CD36: variants seen among roughly 807,000 people sequenced by gnomAD.
CD36 encodes the protein platelet glycoprotein 4.
A neutral mutation model predicts 55.2 loss-of-function variants in CD36; 119 were observed. That is an observed-to-expected ratio of 2.15 (90% confidence interval 1.86 to 2.51). The LOEUF (loss-of-function observed/expected upper bound fraction) is 2.51. CD36 is among the 30% of genes most tolerant of loss of function. The pLI is 0.00. For missense variants in CD36, 819 were observed against 555.5 expected (o/e 1.47, Z -4.77); for synonymous variants, 186 against 193.6 (o/e 0.96, Z 0.33).
intron 3 of CD36, among the ~76,000 whole-genome samples, chr7:80,655,407 T>C (rs1314142898): frequency 6.6e-6 from 1 of 152,162 alleles, no homozygotes; most frequent in Admixed American, 6.6e-5. Flanking sequence ...GTTTGATGAC[T>C]CTCCACCCAG....
chr7:80,606,558 G>T (rs1341220318), intron 1 of CD36, among the ~76,000 whole-genome samples: 3 of 152,142 alleles, frequency 2.0e-5, no homozygotes, highest in South Asian at 4.1e-4. Flanking sequence ...TCCCCAGTCT[G>T]CATGCAAAAC....
At chr7:80,617,459 G>T (rs1793229779) in intron 1 of CD36, among the ~76,000 whole-genome samples, 1 of 152,088 alleles carries the variant, frequency 6.6e-6, no homozygotes, top group South Asian at 2.1e-4. Context: ...AGGCACGGTG[G>T]CTCACACCTG....
chr7:80,674,241 T>C, intron 14 of CD36, 94 bp downstream of exon 14: 1 of 877,028 alleles, frequency 1.1e-6, no homozygotes, highest in South Asian at 1.5e-5. Flanking sequence ...TTAGGCCATA[T>C]ATATTTCTAG....
chr7:80,637,133 G>T (rs540541615), upstream of CD36: 46 of 151,816 alleles, frequency 3.0e-4, no homozygotes, highest in African/African-American at 1.1e-3. Context: ...TTTTAAACAG[G>T]TCTTATCTGA....
At chr7:80,644,000 A>G (rs1794981757) in intron 1 of CD36, among the ~76,000 whole-genome samples, 1 of 152,212 alleles carries the variant, frequency 6.6e-6, no homozygotes, top group Non-Finnish European at 1.5e-5. Context: ...TCAGTTCACA[A>G]CATACAGAAC....
intron 1 of CD36, among the ~76,000 whole-genome samples, chr7:80,630,944 A>T (rs1208263753): frequency 6.6e-6 from 1 of 152,038 alleles, no homozygotes; most frequent in Non-Finnish European, 1.5e-5. Flanking sequence ...TTCAGTTTAG[A>T]TTTATTATCT....
At chr7:80,644,047 T>C (rs1794986142) in intron 1 of CD36, among the ~76,000 whole-genome samples, 1 of 152,170 alleles carries the variant, frequency 6.6e-6, no homozygotes, top group Non-Finnish European at 1.5e-5. Flanking sequence ...ATTACTGTGG[T>C]TGCTTAAAAG....
At chr7:80,663,790 G>A (rs116966875) in intron 6 of CD36, among the ~76,000 whole-genome samples, 2,018 of 152,170 alleles carry the variant, frequency 0.013, 25 homozygotes, top group Non-Finnish European at 0.022. Context: ...TACTGAATTG[G>A]AAGTTGGACT....
intron 2 of CD36, 59 bp from the exon 3 acceptor site, chr7:80,646,593 C>T (rs988580496): frequency 2.2e-5 from 20 of 923,052 alleles, no homozygotes; most frequent in Non-Finnish European, 3.4e-5. Flanking sequence ...TTTCTTTGTA[C>T]TTTGATCTTT....
intron 12 of CD36, 149 bp downstream of exon 12, chr7:80,672,992 C>A: frequency 3.0e-6 from 2 of 656,226 alleles, no homozygotes; most frequent in East Asian, 5.5e-5. Flanking sequence ...TTATTAAATG[C>A]TTATGACTAA....
intron 3 of CD36, among the ~76,000 whole-genome samples, chr7:80,655,177 C>A (rs551805855): frequency 6.6e-6 from 1 of 152,286 alleles, no homozygotes; most frequent in East Asian, 1.9e-4. Context: ...TTGTATTCCT[C>A]TTCCTGTAGC....
chr7:80,673,150 C>A, intron 12 of CD36: 1 of 508,558 alleles, frequency 2.0e-6, no homozygotes, highest in East Asian at 3.1e-5. Context: ...AAGGAAAAAT[C>A]CACACTTGTG....
chr7:80,665,557 G>A (rs187975123), intron 7 of CD36, among the ~76,000 whole-genome samples: 7 of 147,832 alleles, frequency 4.7e-5, no homozygotes, highest in Admixed American at 1.4e-4. Context: ...TCACTTAAAA[G>A]GAAATCACAG....
intron 1 of CD36, among the ~76,000 whole-genome samples, chr7:80,616,356 T>C (rs1381197983): frequency 6.6e-6 from 1 of 152,022 alleles, no homozygotes; most frequent in Admixed American, 6.6e-5. Context: ...ACTGAATGTA[T>C]ATTGCTTTTA....
chr7:80,665,603 T>G (rs1185203578), intron 7 of CD36, among the ~76,000 whole-genome samples: 1 of 152,082 alleles, frequency 6.6e-6, no homozygotes, highest in Non-Finnish European at 1.5e-5. Context: ...AGCATTTCAC[T>G]CTAATATTAC....
At chr7:80,654,162 G>A (rs959103405) in intron 3 of CD36, among the ~76,000 whole-genome samples, 6 of 152,102 alleles carry the variant, frequency 3.9e-5, no homozygotes, top group African/African-American at 1.2e-4. Context: ...TCTCATACAC[G>A]TACAATGTCT....
chr7:80,618,895 G>A (rs1454820864), intron 1 of CD36, among the ~76,000 whole-genome samples: 1 of 152,174 alleles, frequency 6.6e-6, no homozygotes, highest in Non-Finnish European at 1.5e-5. Flanking sequence ...TAGTGAAGGT[G>A]GCTACACTAA....
chr7:80,674,251 G>T (rs1798045978), intron 14 of CD36, 104 bp downstream of exon 14: 3 of 797,536 alleles, frequency 3.8e-6, no homozygotes, highest in Non-Finnish European at 6.3e-6. Flanking sequence ...TATATTTCTA[G>T]ACATGTCTAG....
chr7:80,633,541 A>C (rs1794210294), intron 1 of CD36, among the ~76,000 whole-genome samples: 2 of 152,046 alleles, frequency 1.3e-5, no homozygotes, highest in African/African-American at 4.8e-5. Context: ...CAGTCTCAGC[A>C]TTTCACTAGC....
Sources: gnomAD v4.1 joint callset for allele counts (sites outside exome capture counted in the v4.1 genomes callset) on GRCh38, gnomAD v4.1.1 for gene constraint, MANE v1.5 for transcripts, NCBI Gene and HGNC (gene_info 2026-07-23, HGNC 2026-07-21) for gene names.